The following ASTN2 variants were observed in gnomAD, a reference collection of about 807,000 sequenced individuals.
The protein encoded by ASTN2 is astrotactin-2.
A neutral mutation model predicts 139.8 loss-of-function variants in ASTN2; 54 were observed. The ratio of observed to expected loss-of-function variants is 0.39; its 90% CI spans 0.31 to 0.48. The LOEUF (loss-of-function observed/expected upper bound fraction) is 0.48. Ranked by LOEUF, ASTN2 falls within the 20% of genes least tolerant of loss-of-function variation. The pLI is 0.95. For missense variants in ASTN2, 1,565 were observed against 1,725.1 expected, an observed-to-expected ratio of 0.91 and a Z score of 1.64; for synonymous variants, 756 against 719.5, an observed-to-expected ratio of 1.05 and a Z score of -0.81.
At chr9:117,148,192 G>C (rs1344136048) in intron 3 of ASTN2, among the ~76,000 whole-genome samples, 1 of 152,186 alleles carries the variant, frequency 6.6e-6, no homozygotes, top group Non-Finnish European at 1.5e-5. Flanking sequence ...TCTCACTCGA[G>C]TTCCAGTATC....
At chr9:116,850,220 G>A (rs1449099432) in intron 11 of ASTN2, among the ~76,000 whole-genome samples, 1 of 152,180 alleles carries the variant, frequency 6.6e-6, no homozygotes, top group Admixed American at 6.5e-5. Flanking sequence ...TATTCCCAAG[G>A]CCTCCCCAGT....
chr9:116,904,669 C>T (rs767651701), intron 10 of ASTN2, among the ~76,000 whole-genome samples: 7 of 152,138 alleles, frequency 4.6e-5, no homozygotes, highest in Non-Finnish European at 8.8e-5. Context: ...AGTTGGAGTG[C>T]TATAGAAGTG....
chr9:116,440,795 G>A lies in ASTN2; in HGVS notation c.3599-3C>T. The A allele has an allele frequency of 6.2e-7, 1 of 1,611,984 alleles. No homozygotes were observed. Among genetic ancestry groups the A allele is most frequent in the Non-Finnish European group, 8.5e-7 (1 of 1,178,348 alleles). On this transcript the variant is annotated splice_polypyrimidine_tract_variant and splice_region_variant and intron_variant, in intron 21 of 22. Coordinates refer to ENST00000313400, the MANE Select transcript of ASTN2 (RefSeq NM_001365068.1). ...ATTGTAGATCTTGTCAGCTATTTCTGAGAGGGCAGAAGGGCAGAAACAGAT... is the reference window on the plus strand; with the variant it reads ...ATTGTAGATCTTGTCAGCTATTTCTAAGAGGGCAGAAGGGCAGAAACAGAT...
chr9:117,101,030 A>T (rs1828963665), intron 4 of ASTN2, among the ~76,000 whole-genome samples: 1 of 152,196 alleles, frequency 6.6e-6, no homozygotes, highest in Admixed American at 6.5e-5. Context: ...AATGGTTATT[A>T]TTGGGAAAAG....
chr9:116,619,812 G>A (rs1404249788), intron 18 of ASTN2, among the ~76,000 whole-genome samples: 2 of 149,786 alleles, frequency 1.3e-5, no homozygotes, highest in Admixed American at 6.7e-5. Flanking sequence ...TTACAGGCAT[G>A]AGCCATGGTG....
intron 3 of ASTN2, chr9:117,197,307 G>C (rs930894053): frequency 6.6e-6 from 1 of 152,154 alleles, no homozygotes. Context: ...TTAGTCAAGG[G>C]TATATGAGTA....
At chr9:116,578,619 CGTGTGTGTGTGTGTGT>C (rs71377254) in intron 19 of ASTN2, among the ~76,000 whole-genome samples, 31 of 137,670 alleles carry the variant, frequency 2.3e-4, no homozygotes, top group South Asian at 1.0e-3. Context: ...CTGGCTCCAA[CGTGTGTGTGTGTGTGT>C]GTGTGTGTGT....
At chr9:116,601,901 T>C (rs946741872) in intron 19 of ASTN2, among the ~76,000 whole-genome samples, 2 of 152,126 alleles carry the variant, frequency 1.3e-5, no homozygotes, top group African/African-American at 4.8e-5. Context: ...GGACTAGATG[T>C]GGTAACCCAG....
chr9:116,564,433 T>C (rs1853081074), intron 19 of ASTN2, among the ~76,000 whole-genome samples: 3 of 152,196 alleles, frequency 2.0e-5, no homozygotes, highest in African/African-American at 4.8e-5. Context: ...CATTCTCTAA[T>C]GTCAGGTGCC....
rs182832602 is a variant in ASTN2, at chr9:116,871,554, G to A, written c.1890-7821C>T. 2.2e-4 allele frequency among the ~76,000 whole-genome samples: 33 copies of A among 152,262 alleles called. No individual in the cohort carries two copies. The East Asian group carries it at 5.4e-3, about 25-fold the overall frequency. On this transcript the variant is annotated intron_variant, in intron 10 of 22. Transcript: ENST00000313400. ...ACTCTGAACACTTCATGTAAATTAAGTTATACATTATGTAGCCTTTTGTGA... is the reference window on the plus strand; with the variant it reads ...ACTCTGAACACTTCATGTAAATTAAATTATACATTATGTAGCCTTTTGTGA...
chr9:116,743,614 C>A (rs566019963), intron 13 of ASTN2, among the ~76,000 whole-genome samples: 1 of 152,200 alleles, frequency 6.6e-6, no homozygotes, highest in African/African-American at 2.4e-5. Context: ...CGGGTTCAAG[C>A]GATTCGCCTG....
intron 5 of ASTN2, among the ~76,000 whole-genome samples, chr9:117,093,982 C>T (rs370190771): frequency 6.6e-6 from 1 of 152,150 alleles, no homozygotes; most frequent in African/African-American, 2.4e-5. Flanking sequence ...TGATATAATA[C>T]AAACCCCACA....
intron 7 of ASTN2, among the ~76,000 whole-genome samples, chr9:116,987,877 A>G (rs1366707505): frequency 6.6e-6 from 1 of 152,236 alleles, no homozygotes; most frequent in Admixed American, 6.5e-5. Flanking sequence ...GATAACTGAG[A>G]TGGCTACTAA....
rs1006425871 is a variant in ASTN2 at position 117,392,271 on chromosome 9, T to A, written c.442+22226A>T. On this transcript the variant is annotated intron_variant, in intron 1 of 22. Coordinates refer to ENST00000313400, the MANE Select transcript of ASTN2 (RefSeq NM_001365068.1). ...AAATACATGGATTCAAAAGCTACAT[T>A]GAGAGAAAAATCAATAAGCTTTGAT... Among the ~76,000 whole-genome samples the A allele has an allele frequency of 1.4e-4, 22 of 152,138 alleles. No individual in the cohort carries two copies. The East Asian group carries it at 4.1e-3, about 28-fold the overall frequency.
intron 1 of ASTN2, among the ~76,000 whole-genome samples, chr9:117,413,125 G>A (rs1831215752): frequency 6.6e-6 from 1 of 152,250 alleles, no homozygotes; most frequent in Non-Finnish European, 1.5e-5. Flanking sequence ...AGCTCAGAGC[G>A]GGAGAACCAC....
At chr9:116,532,177 T>C (rs1025729646) in intron 19 of ASTN2, among the ~76,000 whole-genome samples, 2 of 152,260 alleles carry the variant, frequency 1.3e-5, no homozygotes, top group African/African-American at 2.4e-5. Context: ...TTGAGAAGTG[T>C]CTGTTCACAT....
At chr9:117,203,492 G>A (rs2132995510) in intron 3 of ASTN2, among the ~76,000 whole-genome samples, 2 of 152,272 alleles carry the variant, frequency 1.3e-5, no homozygotes, top group Middle Eastern at 3.4e-3. Context: ...TTTAGTCTTT[G>A]AGGCTGCTGA....
chr9:117,009,971 T>C (rs1268974663), intron 6 of ASTN2, among the ~76,000 whole-genome samples: 3 of 152,142 alleles, frequency 2.0e-5, no homozygotes, highest in Non-Finnish European at 4.4e-5. Context: ...TTGGCAATGA[T>C]TATCTTCTCT....
At chr9:116,885,260 T>C (rs1157387790) in intron 10 of ASTN2, among the ~76,000 whole-genome samples, 1 of 152,164 alleles carries the variant, frequency 6.6e-6, no homozygotes, top group Non-Finnish European at 1.5e-5. Flanking sequence ...CTCAAGGTGA[T>C]GGATATAATA....
Sources: allele counts gnomAD v4.1 joint callset (sites outside exome capture counted in the v4.1 genomes callset), GRCh38; gene constraint gnomAD v4.1.1; transcripts MANE v1.5; gene names NCBI Gene and HGNC (gene_info 2026-07-23, HGNC 2026-07-21).